The following UQCC1 variants were observed in gnomAD, a reference collection of about 807,000 sequenced individuals.
UQCC1 encodes the protein ubiquinol-cytochrome c reductase complex assembly factor 1.
In UQCC1, 38 loss-of-function variants were observed where a neutral mutation model predicts 48.0. The ratio of observed to expected loss-of-function variants is 0.79; its 90% CI spans 0.61 to 1.04. The LOEUF (loss-of-function observed/expected upper bound fraction) is 1.04, where lower values mean the gene tolerates loss of function less well. Among genes scored for constraint, UQCC1 ranks in the 50% least tolerant of loss-of-function variants. The pLI, the probability that UQCC1 is intolerant of heterozygous loss-of-function variation, is 0.00. For missense variants in UQCC1, 368 were observed against 381.8 expected (o/e 0.96, Z 0.30); for synonymous variants, 111 against 129.2 (o/e 0.86, Z 0.95).
intron 4 of UQCC1, among the ~76,000 whole-genome samples, chr20:35,381,630 G>T (rs1193767081): frequency 1.3e-5 from 2 of 152,222 alleles, no homozygotes; most frequent in Non-Finnish European, 2.9e-5. Flanking sequence ...CTTGATCAAA[G>T]AATGGTCCTC....
intron 5 of UQCC1, among the ~76,000 whole-genome samples, chr20:35,373,404 C>T (rs1448069169): frequency 6.6e-6 from 1 of 152,144 alleles, no homozygotes; most frequent in African/African-American, 2.4e-5. Context: ...ATGGGCCAGG[C>T]ACAGTGGCTC....
At chr20:35,363,028 TAAA>T (rs60988214) in intron 6 of UQCC1, among the ~76,000 whole-genome samples, 5 of 80,670 alleles carry the variant, frequency 6.2e-5, no homozygotes, top group African/African-American at 1.3e-4. Flanking sequence ...TCCTTAAAAC[TAAA>T]AAAAAAAAAA....
chr20:35,396,762 G>A (rs915645895), intron 1 of UQCC1, among the ~76,000 whole-genome samples: 1 of 152,138 alleles, frequency 6.6e-6, no homozygotes, highest in Non-Finnish European at 1.5e-5. Context: ...GCTCTCTCTT[G>A]CTAAATAAGA....
chr20:35,359,866 G>T (rs895911212), intron 6 of UQCC1, among the ~76,000 whole-genome samples: 18 of 152,124 alleles, frequency 1.2e-4, no homozygotes, highest in African/African-American at 4.3e-4. Context: ...CTTTTCCAGG[G>T]CTGTGTACAT....
At chr20:35,361,400 T>C (rs923723968) in intron 6 of UQCC1, among the ~76,000 whole-genome samples, 2 of 152,026 alleles carry the variant, frequency 1.3e-5, no homozygotes, top group Non-Finnish European at 2.9e-5. Flanking sequence ...CCACATAGCC[T>C]TGTCACATCC....
chr20:35,380,662 T>C (rs74380503), intron 4 of UQCC1, among the ~76,000 whole-genome samples: 3,711 of 152,314 alleles, frequency 0.024, 147 homozygotes, highest in African/African-American at 0.086. Flanking sequence ...AAATCTTCCC[T>C]ACTGCTTTGA....
chr20:35,369,617 T>G (rs1270602835), intron 5 of UQCC1, among the ~76,000 whole-genome samples: 1 of 152,180 alleles, frequency 6.6e-6, no homozygotes, highest in African/African-American at 2.4e-5. Flanking sequence ...TATGTGACAC[T>G]GGGTAAAATT....
intron 2 of UQCC1, among the ~76,000 whole-genome samples, chr20:35,389,980 C>T (rs942740030): frequency 9.2e-5 from 14 of 152,094 alleles, no homozygotes; most frequent in Non-Finnish European, 1.8e-4. Flanking sequence ...TAGAAGAGTA[C>T]GCAGCCTTAA....
At chr20:35,377,536 C>T (rs2061816279) in intron 4 of UQCC1, among the ~76,000 whole-genome samples, 1 of 152,220 alleles carries the variant, frequency 6.6e-6, no homozygotes, top group South Asian at 2.1e-4. Flanking sequence ...GTACATAACT[C>T]AGTGCCTGGC....
At chr20:35,371,798 C>A (rs2061735532) in intron 5 of UQCC1, among the ~76,000 whole-genome samples, 1 of 150,366 alleles carries the variant, frequency 6.7e-6, no homozygotes, top group South Asian at 2.1e-4. Flanking sequence ...AGGCCTAAGA[C>A]CAGGAGTTCA....
chr20:35,393,967 A>C (rs1048420725), intron 2 of UQCC1, 125 bp downstream of exon 2: 4 of 820,996 alleles, frequency 4.9e-6, no homozygotes, highest in Non-Finnish European at 8.0e-6. Context: ...TTGGCACCAC[A>C]GAGACCCAGA....
intron 1 of UQCC1, among the ~76,000 whole-genome samples, chr20:35,401,850 G>A (rs1050425776): frequency 3.3e-5 from 5 of 151,462 alleles, no homozygotes; most frequent in Non-Finnish European, 5.9e-5. Flanking sequence ...TAGTAGAGAC[G>A]GGGTTTCTCC....
intron 8 of UQCC1, among the ~76,000 whole-genome samples, chr20:35,308,653 G>A (rs561372034): frequency 5.3e-5 from 8 of 152,234 alleles, no homozygotes; most frequent in African/African-American, 9.6e-5. Flanking sequence ...TCCCTCACAC[G>A]CCTAGCTCCT....
At chr20:35,360,883 C>T (rs2061598757) in intron 6 of UQCC1, among the ~76,000 whole-genome samples, 1 of 152,126 alleles carries the variant, frequency 6.6e-6, no homozygotes, top group South Asian at 2.1e-4. Flanking sequence ...TATCCCCTGA[C>T]CACCAAATAG....
At chr20:35,346,889 C>A in intron 7 of UQCC1, 2 of 1,111,266 alleles carry the variant, frequency 1.8e-6, no homozygotes, top group Non-Finnish European at 2.5e-6. Context: ...CCAAATCCAT[C>A]CCTCCTATCA....
chr20:35,339,521 C>T (rs750696977), intron 7 of UQCC1, among the ~76,000 whole-genome samples: 5 of 152,156 alleles, frequency 3.3e-5, no homozygotes, highest in South Asian at 2.1e-4. Context: ...AGCACACTTA[C>T]GGCACCAGTG....
At chr20:35,398,376 T>C (rs1158101215) in intron 1 of UQCC1, among the ~76,000 whole-genome samples, 1 of 152,232 alleles carries the variant, frequency 6.6e-6, no homozygotes, top group African/African-American at 2.4e-5. Flanking sequence ...TTAACAAATG[T>C]ACCTTGCAGT....
intron 1 of UQCC1, among the ~76,000 whole-genome samples, chr20:35,401,895 A>G (rs1283109966): frequency 6.6e-6 from 1 of 151,766 alleles, no homozygotes; most frequent in Non-Finnish European, 1.5e-5. Context: ...TCCCAACCTC[A>G]GGTGATCCCT....
At chr20:35,366,514 T>TAAA in intron 6 of UQCC1, 43 bp downstream of exon 6, 1 of 1,586,322 alleles carries the variant, frequency 6.3e-7, no homozygotes, top group Non-Finnish European at 8.7e-7. Context: ...CAGCAGTGTT[T>TAAA]AAAAAAATAC....
Sources: gnomAD v4.1 joint callset for allele counts (sites outside exome capture counted in the v4.1 genomes callset) on GRCh38, gnomAD v4.1.1 for gene constraint, MANE v1.5 for transcripts, NCBI Gene and HGNC (gene_info 2026-07-23, HGNC 2026-07-21) for gene names.